FOCAD: variants seen among roughly 807,000 people sequenced by gnomAD.
The protein encoded by FOCAD is focadhesin.
Under a neutral mutation model 225.6 loss-of-function variants are expected in FOCAD, and 198 were observed. The ratio of observed to expected loss-of-function variants is 0.88; its 90% CI spans 0.78 to 0.99. FOCAD has a LOEUF of 0.99. Ranked by LOEUF, FOCAD falls within the 50% of genes least tolerant of loss-of-function variation. The pLI, the probability that FOCAD is intolerant of heterozygous loss-of-function variation, is 0.00. For missense variants in FOCAD, 2,713 were observed against 2,123.6 expected (o/e 1.28, Z -5.46); for synonymous variants, 897 against 755.0 (o/e 1.19, Z -3.08).
In FOCAD at chr9:20,912,871, A is replaced by G. The variant is rs1223224849; in HGVS notation, c.2724A>G (p.Arg908=). The change falls in exon 23 of 44, where the codon AGA becomes AGG. Residue 908 remains arginine, a synonymous_variant. Transcript: ENST00000338382. Reference sequence around the variant, plus strand: ...TTATGCTGTGATTTTTGCAGGGAAGACTAGGAGAGCTGGAGTTGCAGTTAA... The same window carrying G: ...TTATGCTGTGATTTTTGCAGGGAAGGCTAGGAGAGCTGGAGTTGCAGTTAA... ...NRAYHAILQG[R]LGELELQLKH... is the part of the protein sequence containing the mutation. The G allele has an allele frequency of 4.3e-6, 7 of 1,612,916 alleles. No individual in the cohort carries two copies. The African/African-American group carries it at 8.0e-5, about 18-fold the overall frequency.
intron 30 of FOCAD, 151 bp from the exon 31 acceptor site, chr9:20,948,120 A>G (rs930938867): frequency 3.9e-6 from 3 of 768,052 alleles, no homozygotes; most frequent in Admixed American, 3.5e-5. Flanking sequence ...AAAAAACAAA[A>G]AAACACTTAA....
At chr9:20,937,098 A>G (rs1204593314) in intron 28 of FOCAD, among the ~76,000 whole-genome samples, 1 of 151,160 alleles carries the variant, frequency 6.6e-6, no homozygotes, top group Admixed American at 6.6e-5. Context: ...CAAATGGAAG[A>G]ACATTCCATG....
At chr9:20,855,660 G>A (rs1226437628) in intron 15 of FOCAD, among the ~76,000 whole-genome samples, 1 of 151,480 alleles carries the variant, frequency 6.6e-6, no homozygotes, top group Non-Finnish European at 1.5e-5. Flanking sequence ...ATTGTTAACT[G>A]TTGTCACTCT....
At chr9:20,806,221 T>C (rs1822436704) in intron 11 of FOCAD, among the ~76,000 whole-genome samples, 1 of 152,222 alleles carries the variant, frequency 6.6e-6, no homozygotes. Flanking sequence ...AAGCCTAATA[T>C]AGATGACTTA....
chr9:20,751,727 T>C (rs199786033), intron 5 of FOCAD, among the ~76,000 whole-genome samples: 69 of 148,982 alleles, frequency 4.6e-4, no homozygotes, highest in East Asian at 2.0e-3. Context: ...CCTGAGGAAT[T>C]GCCACACTGA....
chr9:20,970,522 A>C (rs1839674832), intron 35 of FOCAD, among the ~76,000 whole-genome samples: 1 of 151,980 alleles, frequency 6.6e-6, no homozygotes. Flanking sequence ...GAACTCTATA[A>C]TTTGTTTGGT....
intron 1 of FOCAD, among the ~76,000 whole-genome samples, chr9:20,712,435 G>A (rs1470662123): frequency 4.6e-5 from 7 of 152,060 alleles, no homozygotes; most frequent in Admixed American, 1.3e-4. Flanking sequence ...CGAGGCGGGC[G>A]GATCACTTGA....
chr9:20,770,153 G>A lies in FOCAD; in HGVS notation c.821G>A (p.Cys274Tyr). Reference protein sequence around the residue: ...QLTQMSLQLLCVSEVSLKITG... With the variant: ...QLTQMSLQLLYVSEVSLKITG... ...ACCCAGATGAGTCTTCAGCTGCTGT[G>A]TGTCAGTGAAGTCAGCTTAAAGATA... Residue 274 changes from cysteine (C) to tyrosine (Y), a missense_variant, in exon 8 of 44, where the codon TGT becomes TAT. Physicochemically the swap from Cys to Tyr is radical, Grantham distance 194. Coordinates refer to ENST00000338382, the MANE Select transcript of FOCAD (RefSeq NM_001375567.1). 1.2e-6 allele frequency: 2 copies of A among 1,614,044 alleles called. No homozygotes were observed. Among genetic ancestry groups the A allele is most frequent in the Middle Eastern group, 1.7e-4 (1 of 6,058 alleles).
At chr9:20,769,612 T>C (rs74683160) in intron 7 of FOCAD, among the ~76,000 whole-genome samples, 1 of 152,246 alleles carries the variant, frequency 6.6e-6, no homozygotes, top group Non-Finnish European at 1.5e-5. Flanking sequence ...ATAAAGGGCT[T>C]AGTACCGTGT....
chr9:20,776,853 T>G (rs1041159129), intron 8 of FOCAD, among the ~76,000 whole-genome samples: 3 of 152,180 alleles, frequency 2.0e-5, no homozygotes, highest in Non-Finnish European at 4.4e-5. Flanking sequence ...TTCCTTTTGT[T>G]TTTTTATGGA....
chr9:20,797,166 A>G (rs1306031967), intron 11 of FOCAD, among the ~76,000 whole-genome samples: 2 of 151,986 alleles, frequency 1.3e-5, no homozygotes, highest in Admixed American at 6.6e-5. Flanking sequence ...GTTCTGTTCC[A>G]TTGGTCTGTA....
At chr9:20,974,858 A>G (rs1564228300) in intron 35 of FOCAD, among the ~76,000 whole-genome samples, 2 of 151,524 alleles carry the variant, frequency 1.3e-5, no homozygotes, top group African/African-American at 2.4e-5. Flanking sequence ...CTGGCTCCAC[A>G]TCTGCTTCTC....
chr9:20,851,052 A>T (rs1294508976), intron 15 of FOCAD, among the ~76,000 whole-genome samples: 2 of 151,368 alleles, frequency 1.3e-5, no homozygotes, highest in African/African-American at 4.8e-5. Context: ...GAAGATAAAT[A>T]ATTAGTCTTA....
chr9:20,930,655 A>G (rs1162671060), intron 27 of FOCAD, among the ~76,000 whole-genome samples: 2 of 152,206 alleles, frequency 1.3e-5, no homozygotes, highest in Admixed American at 6.5e-5. Context: ...TTTGGGGAAT[A>G]CCATATTTCA....
chr9:20,731,197 C>G (rs925363833), intron 4 of FOCAD, among the ~76,000 whole-genome samples: 1 of 152,092 alleles, frequency 6.6e-6, no homozygotes, highest in Non-Finnish European at 1.5e-5. Context: ...AAGATCGTGC[C>G]ACTGCACTCC....
intron 5 of FOCAD, among the ~76,000 whole-genome samples, chr9:20,743,204 A>G (rs1024051620): frequency 6.6e-6 from 1 of 152,228 alleles, no homozygotes; most frequent in African/African-American, 2.4e-5. Flanking sequence ...GTATGAAAGC[A>G]TAAAAGGGAT....
At chr9:20,882,179 T>A in intron 20 of FOCAD, 123 bp downstream of exon 20, 1 of 823,014 alleles carries the variant, frequency 1.2e-6, no homozygotes, top group Non-Finnish European at 1.9e-6. Context: ...GTGGATAAAT[T>A]ATAAAAATCA....
chr9:20,661,904 C>T (rs757034779), intron 2 of FOCAD, among the ~76,000 whole-genome samples: 14 of 152,030 alleles, frequency 9.2e-5, no homozygotes, highest in Middle Eastern at 3.4e-3. Context: ...TCAAAAAATG[C>T]TGCTGTAAAA....
chr9:20,836,033 T>G (rs1199860329), intron 15 of FOCAD, among the ~76,000 whole-genome samples: 2 of 152,110 alleles, frequency 1.3e-5, no homozygotes, highest in Non-Finnish European at 2.9e-5. Context: ...CCCCTTTTAT[T>G]TATTTACTTT....
Sources: allele counts gnomAD v4.1 joint callset (sites outside exome capture counted in the v4.1 genomes callset), GRCh38; gene constraint gnomAD v4.1.1; transcripts MANE v1.5; gene names NCBI Gene and HGNC (gene_info 2026-07-23, HGNC 2026-07-21).